FLVCR2: variants seen among roughly 807,000 people sequenced by gnomAD.
FLVCR2 encodes the protein choline/ethanolamine transporter FLVCR2.
Under a neutral mutation model 48.9 loss-of-function variants are expected in FLVCR2, and 38 were observed. The observed-to-expected ratio is 0.78, with a 90% confidence interval of 0.60 to 1.02. FLVCR2 has a LOEUF of 1.02. FLVCR2 is among the 50% of genes least tolerant of loss of function. FLVCR2 has a pLI of 0.00. For missense variants in FLVCR2, 664 were observed against 663.3 expected, an observed-to-expected ratio of 1.00 and a Z score of -0.01; for synonymous variants, 255 against 257.0, an observed-to-expected ratio of 0.99 and a Z score of 0.07.
chr14:75,639,298 T>C, intron 5 of FLVCR2, 54 bp from the exon 6 acceptor site: 2 of 1,049,736 alleles, frequency 1.9e-6, no homozygotes, highest in Non-Finnish European at 1.5e-6. Context: ...AATGAATGAA[T>C]GAGCCTATTA....
chr14:75,638,453 GA>G (rs1051837177), intron 5 of FLVCR2, among the ~76,000 whole-genome samples: 1 of 151,758 alleles, frequency 6.6e-6, no homozygotes, highest in African/African-American at 2.4e-5. Flanking sequence ...AAGGACAAAA[GA>G]AAAAAAAGAA....
intron 1 of FLVCR2, among the ~76,000 whole-genome samples, chr14:75,613,457 T>C (rs1889512937): frequency 6.6e-6 from 1 of 152,094 alleles, no homozygotes; most frequent in African/African-American, 2.4e-5. Flanking sequence ...CACTAAACCA[T>C]TCATGAGAAA....
intron 3 of FLVCR2, 62 bp downstream of exon 3, chr14:75,624,814 G>A (rs1889858376): frequency 6.3e-7 from 1 of 1,576,068 alleles, no homozygotes; most frequent in Non-Finnish European, 8.7e-7. Context: ...GAGGCCTGAT[G>A]TGTCTTCATA....
chr14:75,589,382 C>A (rs1264258499), intron 1 of FLVCR2, among the ~76,000 whole-genome samples: 2 of 152,340 alleles, frequency 1.3e-5, no homozygotes, highest in African/African-American at 4.8e-5. Flanking sequence ...AACATTAAGT[C>A]TTAAAGCTGG....
chr14:75,594,089 GAC>G (rs1378672605), intron 1 of FLVCR2, among the ~76,000 whole-genome samples: 3 of 152,308 alleles, frequency 2.0e-5, no homozygotes, highest in Admixed American at 2.0e-4. Flanking sequence ...CTAAGACACT[GAC>G]AGAATTCTGC....
intron 2 of FLVCR2, among the ~76,000 whole-genome samples, chr14:75,622,422 T>G (rs970488599): frequency 6.6e-6 from 1 of 152,212 alleles, no homozygotes; most frequent in Admixed American, 6.5e-5. Flanking sequence ...TGCACTTTGT[T>G]AGTGGCTAAG....
At chr14:75,586,045 C>T (rs1409548386) in intron 1 of FLVCR2, among the ~76,000 whole-genome samples, 1 of 152,220 alleles carries the variant, frequency 6.6e-6, no homozygotes, top group African/African-American at 2.4e-5. Flanking sequence ...AAAGAAGTCC[C>T]TCTGACCTGG....
chr14:75,627,589 C>T (rs943481182), intron 3 of FLVCR2, among the ~76,000 whole-genome samples: 45 of 152,314 alleles, frequency 3.0e-4, no homozygotes, highest in Middle Eastern at 3.4e-3. Context: ...GGAGCTCCAC[C>T]CCTGAGAATT....
chr14:75,646,196 G>A (rs528768788), intron 9 of FLVCR2, among the ~76,000 whole-genome samples: 166 of 152,282 alleles, frequency 1.1e-3, no homozygotes, highest in Admixed American at 2.4e-3. Flanking sequence ...ATGACCTCAT[G>A]ATGTTGGGTG....
chr14:75,615,140 C>G (rs1016168570), intron 1 of FLVCR2, among the ~76,000 whole-genome samples: 2 of 152,092 alleles, frequency 1.3e-5, no homozygotes, highest in African/African-American at 4.8e-5. Context: ...AATGCAACGC[C>G]AAGGACCATG....
intron 1 of FLVCR2, among the ~76,000 whole-genome samples, chr14:75,613,902 A>G (rs1360268265): frequency 1.3e-5 from 2 of 152,192 alleles, no homozygotes; most frequent in African/African-American, 4.8e-5. Flanking sequence ...GCCCCTTTAC[A>G]TAGTAACACT....
intron 5 of FLVCR2, among the ~76,000 whole-genome samples, chr14:75,638,478 G>T (rs1330496961): frequency 2.0e-5 from 3 of 152,130 alleles, no homozygotes; most frequent in Non-Finnish European, 4.4e-5. Context: ...AAAAAGCTTT[G>T]CTGGGTCTGT....
Position 75,579,565 on chromosome 14 carries a change from C to T in FLVCR2, c.593C>T (p.Pro198Leu). The T allele has an allele frequency of 6.2e-7, 1 of 1,614,074 alleles. No individual in the cohort carries two copies. The highest frequency in any genetic ancestry group is 8.5e-7 in the Non-Finnish European group (1 of 1,180,038). ...GCCCAGGTTTTCATCCTGGGCATGC[C>T]CTCCCGCATCGCTTCCGTCTGGTTC... is the stretch of plus-strand genomic sequence containing the variant. ...SVAQVFILGM[P>L]SRIASVWFGA... The change falls in exon 1 of 10, where the codon CCC becomes CTC. Residue 198 changes from proline to leucine, a missense_variant. By Grantham distance (98) the Pro-to-Leu change is moderately conservative (BLOSUM62 -3). Transcript: ENST00000238667.
At position 75,599,492 on chromosome 14, in the gene FLVCR2, C is replaced by T. The variant is rs185651121; in HGVS notation, c.669+19851C>T. 5.3e-4 allele frequency among the ~76,000 whole-genome samples: 80 copies of T among 152,226 alleles called. 1 individual carries two copies. The highest frequency in any genetic ancestry group is 7.1e-4 in the Non-Finnish European group (48 of 68,012). ...TAAATGGAAAGACATCCTGTGTTTA[C>T]GGATTGGAAGACTTCATGTTAAGAT... On this transcript the variant is annotated intron_variant, in intron 1 of 9. Coordinates refer to ENST00000238667, the MANE Select transcript of FLVCR2 (RefSeq NM_017791.3).
intron 1 of FLVCR2, among the ~76,000 whole-genome samples, chr14:75,602,335 C>T (rs1388299527): frequency 2.6e-5 from 4 of 151,914 alleles, no homozygotes; most frequent in Non-Finnish European, 4.4e-5. Flanking sequence ...TACCTAGGAG[C>T]GCTACCTATG....
At chr14:75,612,224 G>A (rs1028187012) in intron 1 of FLVCR2, among the ~76,000 whole-genome samples, 1 of 152,174 alleles carries the variant, frequency 6.6e-6, no homozygotes, top group Non-Finnish European at 1.5e-5. Context: ...ATCTTCCCTA[G>A]GGATCAATGA....
intron 5 of FLVCR2, among the ~76,000 whole-genome samples, chr14:75,636,174 A>G (rs1376669814): frequency 6.6e-6 from 1 of 152,092 alleles, no homozygotes; most frequent in African/African-American, 2.4e-5. Context: ...CAAGGCCTCC[A>G]AAGTTCCCAG....
intron 3 of FLVCR2, chr14:75,631,911 A>T: frequency 2.2e-6 from 1 of 451,642 alleles, no homozygotes; most frequent in Non-Finnish European, 4.5e-6. Flanking sequence ...TCAGCCTGTC[A>T]GTTGTAGTGA....
chr14:75,641,402 G>T, intron 8 of FLVCR2, 109 bp downstream of exon 8: 1 of 752,310 alleles, frequency 1.3e-6, no homozygotes, highest in Non-Finnish European at 2.4e-6. Context: ...CAGATGGAAG[G>T]GTTTGTTGGG....
Sources: gnomAD v4.1 joint callset for allele counts (sites outside exome capture counted in the v4.1 genomes callset) on GRCh38, gnomAD v4.1.1 for gene constraint, MANE v1.5 for transcripts, NCBI Gene and HGNC (gene_info 2026-07-23, HGNC 2026-07-21) for gene names.